MLIP: variants seen among roughly 807,000 people sequenced by gnomAD.
MLIP encodes muscular LMNA-interacting protein.
MLIP carries 79 observed loss-of-function variants against 84.8 expected under a neutral mutation model. The ratio of observed to expected loss-of-function variants is 0.93; its 90% CI spans 0.78 to 1.12. MLIP has a LOEUF of 1.12. MLIP is among the 50% of genes most tolerant of loss of function. The pLI, the probability that MLIP is intolerant of heterozygous loss-of-function variation, is 0.00. For missense variants in MLIP, 1,257 were observed against 1,160.6 expected, an observed-to-expected ratio of 1.08 and a Z score of -1.21; for synonymous variants, 504 against 463.0, an observed-to-expected ratio of 1.09 and a Z score of -1.14.
chr6:54,221,453 C>A (rs1198628186), intron 11 of MLIP, among the ~76,000 whole-genome samples: 4 of 151,798 alleles, frequency 2.6e-5, no homozygotes, highest in Admixed American at 2.6e-4. Flanking sequence ...CAGGTACCTA[C>A]CACAAATTAA....
At chr6:54,230,036 T>C (rs1314612104) in intron 11 of MLIP, among the ~76,000 whole-genome samples, 4 of 152,210 alleles carry the variant, frequency 2.6e-5, no homozygotes, top group African/African-American at 9.6e-5. Flanking sequence ...CGTTTTTCCA[T>C]GTTGAAGACC....
At chr6:54,101,723 T>C (rs932880821) in intron 1 of MLIP, among the ~76,000 whole-genome samples, 3 of 152,196 alleles carry the variant, frequency 2.0e-5, no homozygotes, top group Non-Finnish European at 4.4e-5. Context: ...AATAATTTCC[T>C]GTGCTCATGT....
chr6:54,176,995 C>A (rs1776355235), intron 9 of MLIP, among the ~76,000 whole-genome samples: 1 of 152,010 alleles, frequency 6.6e-6, no homozygotes, highest in Non-Finnish European at 1.5e-5. Context: ...AATTGGCTAG[C>A]CGTAAGCAGA....
At chr6:54,143,196 C>T (rs184156394) in intron 4 of MLIP, among the ~76,000 whole-genome samples, 69 of 151,050 alleles carry the variant, frequency 4.6e-4, no homozygotes, top group African/African-American at 1.5e-3. Context: ...TCTCTAACCC[C>T]GCACTCCCTG....
intron 1 of MLIP, among the ~76,000 whole-genome samples, chr6:54,096,918 T>C (rs1768255596): frequency 6.6e-6 from 1 of 152,004 alleles, no homozygotes; most frequent in South Asian, 2.1e-4. Context: ...CTTCAAACAT[T>C]AGAGAAGACT....
chr6:54,179,868 T>C lies in MLIP; in HGVS notation c.2545-10002T>C, dbSNP rs187989955. On this transcript the variant is annotated intron_variant, in intron 9 of 13. Transcript: ENST00000502396. ...ACAGTGTTATAATATTCTGTGTTTT[T>C]CTGTGTGCCTACTATTACCAGTGAG... 5.8e-4 allele frequency among the ~76,000 whole-genome samples: 89 copies of C among 152,278 alleles called. 1 individual carries two copies. Among genetic ancestry groups the C allele is most frequent in the African/African-American group, 2.0e-3 (83 of 41,570 alleles).
chr6:54,110,802 T>C (rs1561938884), upstream of MLIP, among the ~76,000 whole-genome samples: 1 of 152,230 alleles, frequency 6.6e-6, no homozygotes, highest in African/African-American at 2.4e-5. Context: ...TTTTAAGGTT[T>C]GTCTGCAGTC....
At chr6:54,248,070 A>T (rs1330430595) in intron 12 of MLIP, among the ~76,000 whole-genome samples, 1 of 152,076 alleles carries the variant, frequency 6.6e-6, no homozygotes, top group Non-Finnish European at 1.5e-5. Context: ...TTCCAAAAAC[A>T]TTTATGGAAC....
At chr6:54,140,958 T>TAA in intron 4 of MLIP, among the ~76,000 whole-genome samples, 1 of 152,240 alleles carries the variant, frequency 6.6e-6, no homozygotes, top group East Asian at 1.9e-4. Flanking sequence ...TCAAAGAGCT[T>TAA]TAGATTTAGG....
At chr6:54,093,148 A>G (rs1030739867) in intron 1 of MLIP, among the ~76,000 whole-genome samples, 2 of 152,016 alleles carry the variant, frequency 1.3e-5, no homozygotes, top group Non-Finnish European at 2.9e-5. Flanking sequence ...AAGTGCTGGG[A>G]TTCTAGGTAT....
At chr6:54,145,705 G>A (rs916596747) in intron 4 of MLIP, among the ~76,000 whole-genome samples, 4 of 151,934 alleles carry the variant, frequency 2.6e-5, no homozygotes, top group Non-Finnish European at 5.9e-5. Flanking sequence ...GAGCTCAGGA[G>A]TTAGAGGCTG....
chr6:54,254,097 C>A (rs1247632038), intron 12 of MLIP, among the ~76,000 whole-genome samples: 1 of 149,674 alleles, frequency 6.7e-6, no homozygotes, highest in African/African-American at 2.5e-5. Flanking sequence ...GCATAGCAAG[C>A]CATTCACCTA....
intron 4 of MLIP, among the ~76,000 whole-genome samples, chr6:54,142,026 C>G (rs996016204): frequency 2.6e-5 from 4 of 152,192 alleles, no homozygotes; most frequent in African/African-American, 9.7e-5. Flanking sequence ...ATACATCACA[C>G]TGAAAACTTA....
At chr6:54,208,155 A>G (rs944475135) in intron 11 of MLIP, among the ~76,000 whole-genome samples, 7 of 152,198 alleles carry the variant, frequency 4.6e-5, no homozygotes, top group African/African-American at 1.7e-4. Flanking sequence ...GTTAAAATAG[A>G]ATGTTTTAAT....
At chr6:54,203,019 T>C (rs1778798044) in intron 11 of MLIP, among the ~76,000 whole-genome samples, 1 of 152,174 alleles carries the variant, frequency 6.6e-6, no homozygotes, top group South Asian at 2.1e-4. Flanking sequence ...GTCTCCCAGA[T>C]TGGGAAGTAA....
chr6:54,249,746 T>TATACAC (rs71724053), intron 12 of MLIP, among the ~76,000 whole-genome samples: 43 of 150,428 alleles, frequency 2.9e-4, no homozygotes, highest in African/African-American at 1.0e-3. Flanking sequence ...TATATATATA[T>TATACAC]ACACACACAC....
At chr6:54,175,530 T>C (rs1200858382) in intron 9 of MLIP, among the ~76,000 whole-genome samples, 1 of 151,984 alleles carries the variant, frequency 6.6e-6, no homozygotes, top group Non-Finnish European at 1.5e-5. Flanking sequence ...TAGTACTCTT[T>C]TGACTTCTTT....
intron 12 of MLIP, among the ~76,000 whole-genome samples, chr6:54,250,181 A>C (rs933427974): frequency 6.6e-6 from 1 of 152,150 alleles, no homozygotes; most frequent in African/African-American, 2.4e-5. Flanking sequence ...TACCAGTCAG[A>C]ATGGGTATTA....
intron 10 of MLIP, among the ~76,000 whole-genome samples, chr6:54,191,364 T>A (rs1442782369): frequency 6.6e-6 from 1 of 152,200 alleles, no homozygotes; most frequent in Non-Finnish European, 1.5e-5. Context: ...AATAGCTTGA[T>A]TCAATCAATC....
Sources: allele counts gnomAD v4.1 joint callset (sites outside exome capture counted in the v4.1 genomes callset), GRCh38; gene constraint gnomAD v4.1.1; transcripts MANE v1.5; gene names NCBI Gene and HGNC (gene_info 2026-07-23, HGNC 2026-07-21).